Variants in ZFHX3 observed in about 807,000 individuals in gnomAD.
ZFHX3 encodes zinc finger homeobox protein 3.
A neutral mutation model predicts 279.1 loss-of-function variants in ZFHX3; 42 were observed. The ratio of observed to expected loss-of-function variants is 0.15; its 90% CI spans 0.12 to 0.19. The LOEUF (loss-of-function observed/expected upper bound fraction) is 0.19, where lower values mean the gene tolerates loss of function less well. ZFHX3 is among the 10% of genes least tolerant of loss of function. The probability of loss-of-function intolerance (pLI) is 1.00; values close to 1 mark genes in which losing one functional copy is unlikely to be tolerated. For synonymous variants in ZFHX3, 2,293 were observed against 1,957.8 expected, an observed-to-expected ratio of 1.17 and a Z score of -4.52; for missense variants, 4,981 against 4,754.0, an observed-to-expected ratio of 1.05 and a Z score of -1.40.
intron 4 of ZFHX3, among the ~76,000 whole-genome samples, chr16:73,260,011 A>G (rs889740073): frequency 1.3e-5 from 2 of 152,052 alleles, no homozygotes; most frequent in Non-Finnish European, 2.9e-5. Flanking sequence ...CCAGGATCCA[A>G]TCTAAGATCA....
chr16:72,970,780 C>A (rs1427963067), intron 1 of ZFHX3, among the ~76,000 whole-genome samples: 1 of 152,230 alleles, frequency 6.6e-6, no homozygotes, highest in Non-Finnish European at 1.5e-5. Flanking sequence ...GATCCTATTT[C>A]TACTCTCTCT....
intron 1 of ZFHX3, among the ~76,000 whole-genome samples, chr16:73,849,953 A>C (rs1325000298): frequency 2.6e-5 from 4 of 152,250 alleles, no homozygotes; most frequent in African/African-American, 9.6e-5. Flanking sequence ...GGCTCGTCTC[A>C]AATTCCTGAC....
intron 1 of ZFHX3, among the ~76,000 whole-genome samples, chr16:73,741,080 G>GGA (rs1204506133): frequency 1.4e-5 from 2 of 145,854 alleles, no homozygotes; most frequent in Non-Finnish European, 3.0e-5. Context: ...TGCCCAGGCT[G>GGA]GAGTGCAGTG....
intron 5 of ZFHX3, among the ~76,000 whole-genome samples, chr16:73,222,768 T>A (rs1325699853): frequency 6.6e-6 from 1 of 152,028 alleles, no homozygotes; most frequent in African/African-American, 2.4e-5. Flanking sequence ...TAACATAATA[T>A]TGAAAGAGAA....
At chr16:73,157,464 G>GT (rs1555501643) in intron 5 of ZFHX3, among the ~76,000 whole-genome samples, 3 of 22,036 alleles carry the variant, frequency 1.4e-4, no homozygotes, top group African/African-American at 1.0e-3. Flanking sequence ...GGAATGTTTG[G>GT]TAAAAAAAAA....
At chr16:73,115,659 C>G (rs894701461) in intron 7 of ZFHX3, among the ~76,000 whole-genome samples, 9 of 152,144 alleles carry the variant, frequency 5.9e-5, no homozygotes. Context: ...CAAGGGCAGG[C>G]GTAGGGCTAG....
chr16:73,031,273 T>A (rs1174503868), intron 1 of ZFHX3, among the ~76,000 whole-genome samples: 1 of 151,274 alleles, frequency 6.6e-6, no homozygotes, highest in African/African-American at 2.4e-5. Context: ...CAAAAAAGCC[T>A]GGCGGCGGGG....
chr16:73,335,155 G>A (rs1008430156), intron 3 of ZFHX3, among the ~76,000 whole-genome samples: 5 of 152,144 alleles, frequency 3.3e-5, no homozygotes, highest in East Asian at 1.9e-4. Context: ...ATTTTAGTAC[G>A]AAAAGGGTGC....
intron 5 of ZFHX3, among the ~76,000 whole-genome samples, chr16:73,240,911 T>G (rs1036566252): frequency 3.3e-5 from 5 of 152,238 alleles, no homozygotes; most frequent in African/African-American, 4.8e-5. Context: ...AGTCCCTTCT[T>G]TAAATTGTAC....
At chr16:73,308,251 ATATATATATATATATATATATATATATT>A (rs1421467208) in intron 4 of ZFHX3, among the ~76,000 whole-genome samples, 356 of 33,828 alleles carry the variant, frequency 0.011, 3 homozygotes, top group Non-Finnish European at 0.022. Flanking sequence ...ATATATATAT[ATATATATATATATATATATATATATATT>A]TATTTATTTA....
chr16:73,704,417 A>G (rs567664760), intron 1 of ZFHX3, among the ~76,000 whole-genome samples: 1 of 152,306 alleles, frequency 6.6e-6, no homozygotes, highest in Non-Finnish European at 1.5e-5. Flanking sequence ...AAAAAATAAA[A>G]TGAGGTTGGA....
chr16:73,496,695 A>G (rs2019147977), intron 2 of ZFHX3, among the ~76,000 whole-genome samples: 1 of 151,930 alleles, frequency 6.6e-6, no homozygotes. Flanking sequence ...TCTCCTCCAT[A>G]TTCTGTGGGG....
chr16:73,344,239 A>G (rs1406940155), intron 3 of ZFHX3, among the ~76,000 whole-genome samples: 1 of 152,176 alleles, frequency 6.6e-6, no homozygotes. Context: ...AAGACACAGC[A>G]TCACTTCTGG....
intron 5 of ZFHX3, among the ~76,000 whole-genome samples, chr16:72,823,278 T>G (rs1194076797): frequency 6.6e-6 from 1 of 152,200 alleles, no homozygotes; most frequent in East Asian, 1.9e-4. Flanking sequence ...AAAGACAAAT[T>G]TACTTTTGGG....
intron 3 of ZFHX3, among the ~76,000 whole-genome samples, chr16:72,900,899 G>C (rs896754935): frequency 6.6e-6 from 1 of 152,202 alleles, no homozygotes; most frequent in Non-Finnish European, 1.5e-5. Flanking sequence ...TTCTGTTGCA[G>C]GGAGGAAAAT....
intron 4 of ZFHX3, among the ~76,000 whole-genome samples, chr16:72,836,730 A>G (rs1266321125): frequency 6.6e-6 from 1 of 152,116 alleles, no homozygotes; most frequent in Non-Finnish European, 1.5e-5. Flanking sequence ...ACTGAGGAAA[A>G]CGCCAGATCA....
At chr16:73,224,772 T>C (rs1293121064) in intron 5 of ZFHX3, among the ~76,000 whole-genome samples, 1 of 152,130 alleles carries the variant, frequency 6.6e-6, no homozygotes, top group Non-Finnish European at 1.5e-5. Flanking sequence ...ATAATGAGGG[T>C]GTAACAGTAA....
At position 73,449,410 on chromosome 16, in the gene ZFHX3, C is replaced by T. The variant is rs1469582301; in HGVS notation, c.-1291+6593G>A. Among the ~76,000 whole-genome samples the T allele has an allele frequency of 2.0e-5, 3 of 152,042 alleles. No individual in the cohort carries two copies. The East Asian group carries it at 5.8e-4, about 29-fold the overall frequency. ...GGCATAGTGGTTTGTGGCTGGAGTC[C>T]CAGCTACTCAGAAGGCTGAGGCGGG... On this transcript the variant is annotated intron_variant, in intron 3 of 17. Transcript: ENST00000641206.
At chr16:73,358,357 T>G (rs2016379829) in intron 3 of ZFHX3, among the ~76,000 whole-genome samples, 2 of 152,238 alleles carry the variant, frequency 1.3e-5, no homozygotes, top group Non-Finnish European at 2.9e-5. Flanking sequence ...CTCCATCACT[T>G]GCTCTGATGT....
Sources: gnomAD v4.1 joint callset for allele counts (sites outside exome capture counted in the v4.1 genomes callset) on GRCh38, gnomAD v4.1.1 for gene constraint, MANE v1.5 for transcripts, NCBI Gene and HGNC (gene_info 2026-07-23, HGNC 2026-07-21) for gene names.